Variants in MCC observed in about 807,000 individuals in gnomAD.
MCC encodes the protein colorectal mutant cancer protein.
MCC carries 90 observed loss-of-function variants against 116.2 expected under a neutral mutation model. The ratio of observed to expected loss-of-function variants is 0.77; its 90% confidence interval spans 0.65 to 0.92. MCC has a LOEUF of 0.92. Among genes scored for constraint, MCC ranks in the 40% least tolerant of loss-of-function variants. The pLI, the probability that MCC is intolerant of heterozygous loss-of-function variation, is 0.00. For synonymous variants in MCC, 578 were observed against 510.5 expected (o/e 1.13, Z -1.78); for missense variants, 1,516 against 1,312.2 (o/e 1.16, Z -2.40).
rs1561546485 is a variant in MCC, at chr5:113,385,086, C to G, written c.297G>C (p.Gln99His). 1 of 1,614,262 alleles carries G rather than the reference C, an allele frequency of 6.2e-7. No individual in the cohort carries two copies. The highest frequency in any genetic ancestry group is 8.5e-7 in the Non-Finnish European group (1 of 1,180,046). ...CCTCCTTCCTAATTTCTCGAACAAGCTGCATGCGGCATCTTGTGAAATCCT... is the reference window on the plus strand; with the variant it reads ...CCTCCTTCCTAATTTCTCGAACAAGGTGCATGCGGCATCTTGTGAAATCCT... ...SFQDFTRCRM[Q>H]LVREIRKEEV... is the part of the protein sequence containing the mutation. Residue 99 changes from glutamine to histidine, a missense_variant, in exon 2 of 19, where the codon CAG becomes CAC. Coordinates refer to ENST00000408903, the MANE Select transcript of MCC (RefSeq NM_001085377.2).
intron 1 of MCC, chr5:113,435,684 T>A (rs1005982164): frequency 6.6e-6 from 1 of 152,420 alleles, no homozygotes; most frequent in African/African-American, 2.4e-5. Flanking sequence ...TCCCTATACA[T>A]CTCTTCCCTT....
chr5:113,208,582 G>A (rs1008780221), intron 3 of MCC, among the ~76,000 whole-genome samples: 1 of 152,090 alleles, frequency 6.6e-6, no homozygotes, highest in Non-Finnish European at 1.5e-5. Flanking sequence ...TCTGAAATGT[G>A]AGGTGAAGAA....
chr5:113,449,023 C>T (rs764270928), intron 1 of MCC, among the ~76,000 whole-genome samples: 33 of 152,164 alleles, frequency 2.2e-4, no homozygotes, highest in Non-Finnish European at 4.3e-4. Flanking sequence ...TTACTATTAA[C>T]CTTCAGTCAG....
At chr5:113,247,127 G>A (rs968291373) in intron 3 of MCC, among the ~76,000 whole-genome samples, 1 of 152,188 alleles carries the variant, frequency 6.6e-6, no homozygotes, top group Non-Finnish European at 1.5e-5. Flanking sequence ...CTGCCCTGGA[G>A]TAGTTTACAC....
intron 11 of MCC, among the ~76,000 whole-genome samples, chr5:113,078,643 T>C (rs573715108): frequency 5.3e-5 from 8 of 152,308 alleles, no homozygotes; most frequent in Non-Finnish European, 8.8e-5. Context: ...AATCTAGGTA[T>C]TGATGGGACG....
At chr5:113,175,125 G>GT (rs1292003809) in intron 3 of MCC, among the ~76,000 whole-genome samples, 1 of 152,152 alleles carries the variant, frequency 6.6e-6, no homozygotes, top group Non-Finnish European at 1.5e-5. Context: ...ACTTGTTCTG[G>GT]TGGCCATGTG....
intron 1 of MCC, among the ~76,000 whole-genome samples, chr5:113,458,015 C>G (rs7724225): frequency 9.2e-4 from 140 of 152,114 alleles, no homozygotes; most frequent in African/African-American, 3.3e-3. Flanking sequence ...GTGTCTAGCT[C>G]AGGGATTGTA....
At chr5:113,372,692 C>T (rs949766493) in intron 2 of MCC, among the ~76,000 whole-genome samples, 4 of 152,056 alleles carry the variant, frequency 2.6e-5, no homozygotes, top group African/African-American at 9.7e-5. Flanking sequence ...GCATGTAAAA[C>T]ACTGTTAATC....
At chr5:113,075,237 C>T (rs554654530) in intron 11 of MCC, among the ~76,000 whole-genome samples, 94 of 152,362 alleles carry the variant, frequency 6.2e-4, no homozygotes, top group Non-Finnish European at 8.2e-4. Context: ...GCTCGCGCCA[C>T]GCTCGAATTC....
chr5:113,043,461 A>G, intron 17 of MCC, 69 bp downstream of exon 17: 1 of 1,383,430 alleles, frequency 7.2e-7, no homozygotes, highest in East Asian at 2.4e-5. Context: ...TGGGAGCAGC[A>G]AAGAGAACTC....
intron 16 of MCC, chr5:113,044,463 G>C (rs1168104177): frequency 2.0e-5 from 20 of 981,646 alleles, no homozygotes; most frequent in Non-Finnish European, 2.4e-5. Flanking sequence ...TACCATGGCT[G>C]GGGGAAGGCA....
chr5:113,181,439 C>T (rs1343060486), intron 3 of MCC, among the ~76,000 whole-genome samples: 1 of 152,166 alleles, frequency 6.6e-6, no homozygotes, highest in African/African-American at 2.4e-5. Context: ...TAGAAGACAA[C>T]ATGTTATGAA....
At chr5:113,336,453 C>T (rs2150377305) in intron 3 of MCC, among the ~76,000 whole-genome samples, 1 of 151,814 alleles carries the variant, frequency 6.6e-6, no homozygotes, top group East Asian at 1.9e-4. Context: ...CCAGTTTCTC[C>T]TGCAGGTCAC....
At chr5:113,439,718 A>G (rs1770975846) in intron 1 of MCC, among the ~76,000 whole-genome samples, 1 of 152,208 alleles carries the variant, frequency 6.6e-6, no homozygotes, top group Non-Finnish European at 1.5e-5. Context: ...CTCAGTATGT[A>G]CATTTCTAAA....
At chr5:113,419,217 G>T (rs1770246061) in intron 1 of MCC, among the ~76,000 whole-genome samples, 1 of 149,846 alleles carries the variant, frequency 6.7e-6, no homozygotes, top group East Asian at 2.0e-4. Flanking sequence ...AGGCTGGAGT[G>T]TGGAGTGCAG....
At chr5:113,369,114 CT>C (rs536499819) in intron 2 of MCC, among the ~76,000 whole-genome samples, 29 of 147,310 alleles carry the variant, frequency 2.0e-4, no homozygotes, top group South Asian at 2.2e-4. Context: ...GAATCCAGTC[CT>C]TTTTTTTTTA....
At chr5:113,191,554 C>T (rs1467337874) in intron 3 of MCC, among the ~76,000 whole-genome samples, 1 of 152,106 alleles carries the variant, frequency 6.6e-6, no homozygotes, top group Non-Finnish European at 1.5e-5. Context: ...AACAGGAGTG[C>T]AAGGGAACTG....
At chr5:113,190,038 AC>A (rs967865224) in intron 3 of MCC, among the ~76,000 whole-genome samples, 1 of 152,154 alleles carries the variant, frequency 6.6e-6, no homozygotes, top group African/African-American at 2.4e-5. Context: ...CAGCCTAGCC[AC>A]CTGCAGCCCA....
chr5:113,135,508 G>A lies in MCC; in HGVS notation c.884+7710C>T, dbSNP rs529907839. ...TGGGAGGTGGAGCTTGAAGTGAACCGAGATCGTGCCACTGCACTCCAGCCT... is the reference window on the plus strand; with the variant it reads ...TGGGAGGTGGAGCTTGAAGTGAACCAAGATCGTGCCACTGCACTCCAGCCT... On this transcript the variant is annotated intron_variant, in intron 5 of 18. Coordinates refer to ENST00000408903, the MANE Select transcript of MCC (RefSeq NM_001085377.2). 6.9e-5 allele frequency among the ~76,000 whole-genome samples: 10 copies of A among 144,372 alleles called. 1 individual carries two copies. Among genetic ancestry groups the A allele is most frequent in the South Asian group, 4.5e-4 (2 of 4,442 alleles). The allele number at this position is 144,372 out of a possible 152,430, so 94.7% of individuals were successfully genotyped here.
Sources: allele counts gnomAD v4.1 joint callset (sites outside exome capture counted in the v4.1 genomes callset), GRCh38; gene constraint gnomAD v4.1.1; transcripts MANE v1.5; gene names NCBI Gene and HGNC (gene_info 2026-07-23, HGNC 2026-07-21).